CFAP47: variants seen among roughly 807,000 people sequenced by gnomAD.
CFAP47 encodes the protein cilia and flagella associated protein 47.
In CFAP47, 29 loss-of-function variants were observed where a neutral mutation model predicts 148.1. That is an observed-to-expected ratio of 0.20 (90% CI 0.15 to 0.27). CFAP47 has a LOEUF of 0.27. CFAP47 is among the 10% of genes least tolerant of loss of function. The pLI, the probability that CFAP47 is intolerant of heterozygous loss-of-function variation, is 1.00. For missense variants in CFAP47, 1,872 were observed against 1,697.5 expected, an observed-to-expected ratio of 1.10 and a Z score of -1.81; for synonymous variants, 664 against 577.3, an observed-to-expected ratio of 1.15 and a Z score of -2.15.
intron 30 of CFAP47, among the ~76,000 whole-genome samples, chrX:36,090,743 C>G (rs775569779): frequency 9.0e-6 from 1 of 111,352 alleles, no homozygotes; most frequent in Non-Finnish European, 1.9e-5. Flanking sequence ...ACAAAATAAT[C>G]ATAAATGTTA....
chrX:36,371,595 GTGTGTATATA>G (rs1221281611), intron 62 of CFAP47, among the ~76,000 whole-genome samples: 6 of 90,461 alleles, frequency 6.6e-5, no homozygotes, highest in East Asian at 7.7e-4. Flanking sequence ...GTGTATACAT[GTGTGTATATA>G]TGTGTATATA....
At chrX:36,140,994 T>C (rs1456532568) in intron 35 of CFAP47, among the ~76,000 whole-genome samples, 1 of 110,949 alleles carries the variant, frequency 9.0e-6, no homozygotes, top group Non-Finnish European at 1.9e-5. Flanking sequence ...GGAGCTTTAG[T>C]ACACATAATT....
intron 49 of CFAP47, among the ~76,000 whole-genome samples, chrX:36,261,320 CT>C (rs143068749): frequency 4.0e-3 from 82 of 20,450 alleles, no homozygotes; most frequent in East Asian, 0.012. Context: ...AGATACTATT[CT>C]TTTTTTTTTT....
chrX:36,031,373 T>C (rs989966407), intron 23 of CFAP47, 26 bp downstream of exon 23: 1 of 285,510 alleles, frequency 3.5e-6, no homozygotes. Flanking sequence ...TGATACAGTT[T>C]ACAATTCTTT....
chrX:35,997,541 AAT>A (rs1241151689), intron 19 of CFAP47, among the ~76,000 whole-genome samples, 152 bp downstream of exon 19: 1 of 111,576 alleles, frequency 9.0e-6, no homozygotes, highest in Non-Finnish European at 1.9e-5. Flanking sequence ...AATAAAAATT[AAT>A]ATATGTCATA....
In CFAP47 at chrX:35,982,389, T is replaced by C. The variant is rs187644196; in HGVS notation, c.2713+6476T>C. ...TTGTCAGATACGTAGTTTGAAAATA[T>C]ATTTTCCCATTCTGTAGGTTGTATT... On this transcript the variant is annotated intron_variant, in intron 15 of 63. Transcript: ENST00000378653. Among the ~76,000 whole-genome samples the C allele has an allele frequency of 3.3e-3, 369 of 111,738 alleles. 4 individuals carry two copies. Among genetic ancestry groups the C allele is most frequent in the African/African-American group, 0.012 (363 of 30,793 alleles).
chrX:36,380,296 G>T (rs112200175), intron 63 of CFAP47, among the ~76,000 whole-genome samples: 1 of 110,454 alleles, frequency 9.1e-6, no homozygotes, highest in East Asian at 2.8e-4. Flanking sequence ...AAAATTTATT[G>T]TTTTATTTAA....
At chrX:36,310,190 C>T (rs1220425261) in intron 55 of CFAP47, among the ~76,000 whole-genome samples, 1 of 110,821 alleles carries the variant, frequency 9.0e-6, no homozygotes, top group Admixed American at 9.7e-5. Flanking sequence ...TCTGAAGGGA[C>T]TTTTATCCTA....
intron 21 of CFAP47, among the ~76,000 whole-genome samples, chrX:36,006,003 T>C (rs186930074): frequency 1.5e-3 from 169 of 111,039 alleles, no homozygotes; most frequent in African/African-American, 5.3e-3. Flanking sequence ...TAAGGCCAAG[T>C]TTATGTATTT....
chrX:36,077,859 T>A (rs944445560), intron 29 of CFAP47, among the ~76,000 whole-genome samples: 1 of 109,558 alleles, frequency 9.1e-6, no homozygotes, highest in African/African-American at 3.3e-5. Context: ...AAACCCCATC[T>A]CTACAAAAAT....
At chrX:36,112,380 A>G (rs1938570051) in intron 33 of CFAP47, among the ~76,000 whole-genome samples, 1 of 111,764 alleles carries the variant, frequency 8.9e-6, no homozygotes, top group South Asian at 3.7e-4. Flanking sequence ...ATTCAGGATC[A>G]GGTTATTCAA....
intron 25 of CFAP47, among the ~76,000 whole-genome samples, chrX:36,045,818 T>C (rs1050684654): frequency 8.9e-6 from 1 of 111,896 alleles, no homozygotes. Context: ...TATAAAGGTA[T>C]CAATTTAAAA....
At chrX:36,042,632 T>C (rs1937420006) in intron 25 of CFAP47, among the ~76,000 whole-genome samples, 2 of 110,847 alleles carry the variant, frequency 1.8e-5, no homozygotes, top group Admixed American at 1.9e-4. Context: ...TAAAGAAAAT[T>C]ATAAAACTCA....
At chrX:36,057,914 G>T (rs899106103) in intron 26 of CFAP47, among the ~76,000 whole-genome samples, 5 of 111,450 alleles carry the variant, frequency 4.5e-5, no homozygotes, top group African/African-American at 1.6e-4. Flanking sequence ...CCAGTAGTTT[G>T]CTGGGCATGG....
chrX:36,166,832 CAT>C (rs1256445338), intron 39 of CFAP47, among the ~76,000 whole-genome samples: 2 of 111,568 alleles, frequency 1.8e-5, no homozygotes, highest in East Asian at 5.7e-4. Flanking sequence ...CCTACACACA[CAT>C]AGTGTTAAGG....
At chrX:36,274,672 A>G (rs1940994514) in intron 49 of CFAP47, among the ~76,000 whole-genome samples, 1 of 112,282 alleles carries the variant, frequency 8.9e-6, no homozygotes, top group African/African-American at 3.2e-5. Flanking sequence ...CTAGTGTATA[A>G]AAATGTAACT....
rs1602021640 is a variant in CFAP47, at chrX:36,165,798, C to A, written c.6026+5029C>A. On this transcript the variant is annotated intron_variant, in intron 39 of 63. Coordinates refer to ENST00000378653, the MANE Select transcript of CFAP47 (RefSeq NM_001304548.2). ...CTCCTTGGCCTACAGATAGTTGTCT[C>A]CTCATTTTGTCTTTTTTCTGTGAAT... 2.7e-5 allele frequency among the ~76,000 whole-genome samples: 3 copies of A among 111,032 alleles called. No individual in the cohort carries two copies. The Admixed American group carries it at 2.9e-4, about 11-fold the overall frequency.
intron 26 of CFAP47, among the ~76,000 whole-genome samples, chrX:36,059,034 TA>T (rs1937574705): frequency 8.9e-6 from 1 of 112,412 alleles, no homozygotes; most frequent in Non-Finnish European, 1.9e-5. Context: ...AAAATAATTT[TA>T]ACAAGTATTT....
At chrX:35,948,271 T>C (rs773655234) in intron 3 of CFAP47, 43 bp from the exon 4 acceptor site, 3 of 1,135,970 alleles carry the variant, frequency 2.6e-6, no homozygotes, top group Non-Finnish European at 3.6e-6. Context: ...CATGCAACAT[T>C]GTAAGGGTCC....
Sources: allele counts gnomAD v4.1 joint callset (sites outside exome capture counted in the v4.1 genomes callset), GRCh38; gene constraint gnomAD v4.1.1; transcripts MANE v1.5; gene names NCBI Gene and HGNC (gene_info 2026-07-23, HGNC 2026-07-21).